The following BICC1 variants were observed in gnomAD, a reference collection of about 807,000 sequenced individuals.
The protein encoded by BICC1 is BicC family RNA binding protein 1.
BICC1 carries 43 observed loss-of-function variants against 111.0 expected under a neutral mutation model. That is an observed-to-expected ratio of 0.39 (90% CI 0.30 to 0.50). The LOEUF is 0.50. Ranked by LOEUF, BICC1 falls within the 20% of genes least tolerant of loss-of-function variation. The probability of loss-of-function intolerance (pLI) is 0.88; values close to 1 mark genes in which losing one functional copy is unlikely to be tolerated. For synonymous variants in BICC1, 467 were observed against 434.4 expected, an observed-to-expected ratio of 1.07 and a Z score of -0.93; for missense variants, 1,091 against 1,203.2, an observed-to-expected ratio of 0.91 and a Z score of 1.38.
In BICC1 at chr10:58,789,249, C is replaced by T. The variant is rs373904502; in HGVS notation, c.601-13C>T. On this transcript the variant is annotated splice_polypyrimidine_tract_variant and intron_variant, in intron 6 of 20. Coordinates refer to ENST00000373886, the MANE Select transcript of BICC1 (RefSeq NM_001080512.3). ...TTAACTCTCTGCTTTGGATTCTCAT[C>T]ATTTCATTTTAGGAGCTGCTTCCTT... is the stretch of plus-strand genomic sequence containing the variant. 3 of 1,607,982 alleles carry T rather than the reference C, an allele frequency of 1.9e-6. No homozygotes were observed. Among genetic ancestry groups the T allele is most frequent in the African/African-American group, 2.7e-5 (2 of 74,772 alleles).
chr10:58,769,372 A>C (rs1282299718), intron 3 of BICC1, among the ~76,000 whole-genome samples: 1 of 86,204 alleles, frequency 1.2e-5, no homozygotes, highest in Non-Finnish European at 2.5e-5. Context: ...TAGTTTTATA[A>C]TGTATGTGTG....
chr10:58,725,438 T>G (rs1294273742), intron 3 of BICC1, among the ~76,000 whole-genome samples: 1 of 152,194 alleles, frequency 6.6e-6, no homozygotes, highest in Non-Finnish European at 1.5e-5. Flanking sequence ...TCATTGTGCT[T>G]CTTTCAAGTA....
At chr10:58,701,765 G>A (rs1840243854) in intron 2 of BICC1, among the ~76,000 whole-genome samples, 1 of 152,100 alleles carries the variant, frequency 6.6e-6, no homozygotes, top group South Asian at 2.1e-4. Context: ...GATGGTTCTG[G>A]CATCAAGTTG....
intron 1 of BICC1, among the ~76,000 whole-genome samples, chr10:58,608,428 G>A (rs1260114046): frequency 1.3e-5 from 2 of 152,110 alleles, no homozygotes; most frequent in South Asian, 2.1e-4. Context: ...AAAAGAAAAC[G>A]CGTTTTGGAA....
intron 1 of BICC1, among the ~76,000 whole-genome samples, chr10:58,585,188 T>C (rs1035944570): frequency 1.3e-5 from 2 of 152,246 alleles, no homozygotes; most frequent in African/African-American, 4.8e-5. Flanking sequence ...GCTATTTTTT[T>C]CCCTTTTATT....
intron 3 of BICC1, among the ~76,000 whole-genome samples, chr10:58,752,178 TC>T (rs1842008132): frequency 6.6e-6 from 1 of 152,200 alleles, no homozygotes; most frequent in African/African-American, 2.4e-5. Flanking sequence ...AAAGGATTTT[TC>T]ACTGGCACCG....
chr10:58,573,391 C>A (rs1844019174), intron 1 of BICC1, among the ~76,000 whole-genome samples: 1 of 152,160 alleles, frequency 6.6e-6, no homozygotes, highest in African/African-American at 2.4e-5. Context: ...TGAGCCCTTT[C>A]TAGGCAGTTC....
chr10:58,795,703 A>C (rs958665310), intron 9 of BICC1, among the ~76,000 whole-genome samples: 4 of 152,094 alleles, frequency 2.6e-5, no homozygotes, highest in East Asian at 1.9e-4. Flanking sequence ...TCACATTTCA[A>C]ATTTTCTTGA....
At chr10:58,660,311 G>A (rs1182287455) in intron 2 of BICC1, among the ~76,000 whole-genome samples, 1 of 152,128 alleles carries the variant, frequency 6.6e-6, no homozygotes, top group Non-Finnish European at 1.5e-5. Context: ...AATAAGGAGA[G>A]TATAGTAATA....
chr10:58,622,621 C>G (rs10740739), intron 2 of BICC1, among the ~76,000 whole-genome samples: 146,039 of 152,276 alleles, frequency 0.96, 70,332 homozygotes, highest in East Asian at 1. Flanking sequence ...TCAATGGGAA[C>G]TGTCTTTTCC....
intron 20 of BICC1, chr10:58,823,462 A>C: frequency 4.1e-6 from 4 of 984,468 alleles, no homozygotes; most frequent in Non-Finnish European, 4.8e-6. Context: ...ATCACATTTA[A>C]AAACATATGT....
chr10:58,643,047 T>C (rs574988214), intron 2 of BICC1, among the ~76,000 whole-genome samples: 1 of 152,288 alleles, frequency 6.6e-6, no homozygotes, highest in South Asian at 2.1e-4. Flanking sequence ...CAAGGTGTTA[T>C]TTACCAAAGA....
Position 58,542,178 on chromosome 10 carries a change from A to C in BICC1, c.190+28845A>C, listed in dbSNP as rs903342309. On this transcript the variant is annotated intron_variant, in intron 1 of 20. Transcript: ENST00000373886. ...AAAAAAAAAAAAAACAAAAAAAAAA[A>C]CCCAGACATACAGACTAGTGGAACA... Among the ~76,000 whole-genome samples, 227 of 150,476 alleles carry C rather than the reference A, an allele frequency of 1.5e-3. 1 individual carries two copies. Among genetic ancestry groups the C allele is most frequent in the African/African-American group, 4.9e-3 (200 of 40,660 alleles).
intron 1 of BICC1, among the ~76,000 whole-genome samples, chr10:58,602,816 A>G (rs1426764356): frequency 6.6e-6 from 1 of 152,214 alleles, no homozygotes; most frequent in Non-Finnish European, 1.5e-5. Flanking sequence ...AGGTTAAAAC[A>G]GGACCCATTG....
At chr10:58,641,549 ATGG>A (rs1168491104) in intron 2 of BICC1, among the ~76,000 whole-genome samples, 2 of 151,994 alleles carry the variant, frequency 1.3e-5, no homozygotes, top group African/African-American at 4.8e-5. Flanking sequence ...TAGAAATGGT[ATGG>A]TGGTGCCTTC....
chr10:58,673,060 A>G (rs1839229912), intron 2 of BICC1, among the ~76,000 whole-genome samples: 3 of 152,218 alleles, frequency 2.0e-5, no homozygotes, highest in South Asian at 2.1e-4. Flanking sequence ...TTGTCTTTCT[A>G]GCTCTCCCTT....
At chr10:58,788,567 T>G (rs1843080493) in intron 6 of BICC1, 144 bp downstream of exon 6, 1 of 540,552 alleles carries the variant, frequency 1.8e-6, no homozygotes, top group Non-Finnish European at 3.3e-6. Flanking sequence ...TTAGTGTCTA[T>G]CTTAGCATTC....
intron 1 of BICC1, among the ~76,000 whole-genome samples, chr10:58,531,183 G>A (rs1469061488): frequency 1.3e-5 from 2 of 151,810 alleles, no homozygotes; most frequent in African/African-American, 2.4e-5. Context: ...TTGACTTGGA[G>A]TGCTGATGAG....
chr10:58,788,379 G>A lies in BICC1; in HGVS notation c.556G>A (p.Ala186Thr). ...QAEKSNQVSI[A>T]GQPAGVESAR... ...TTTCCTCCTCTTATAGGTATCTATAGCGGGACAACCAGCAGGAGTAGAATC... is the reference window on the plus strand; with the variant it reads ...TTTCCTCCTCTTATAGGTATCTATAACGGGACAACCAGCAGGAGTAGAATC... Residue 186 changes from alanine to threonine, a missense_variant, in exon 6 of 21, where the codon GCG becomes ACG. This residue lies in a region of BICC1 where 843 missense variants were observed against 900.8 expected (regional missense o/e 0.94). Transcript: ENST00000373886. 2 of 1,609,796 alleles carry A rather than the reference G, an allele frequency of 1.2e-6. No individual in the cohort carries two copies. Among genetic ancestry groups the A allele is most frequent in the South Asian group, 2.2e-5 (2 of 90,872 alleles).
Sources: gnomAD v4.1 joint callset for allele counts (sites outside exome capture counted in the v4.1 genomes callset) on GRCh38, gnomAD v4.1.1 for gene constraint, gnomAD v4.1.1 regional missense constraint, MANE v1.5 for transcripts, NCBI Gene and HGNC (gene_info 2026-07-23, HGNC 2026-07-21) for gene names.